CELF1: variants seen among roughly 807,000 people sequenced by gnomAD.
CELF1 encodes the protein 50 kDa nuclear polyadenylated RNA-binding protein.
Under a neutral mutation model 61.8 loss-of-function variants are expected in CELF1, and 10 were observed. The observed-to-expected ratio is 0.16, with a 90% CI of 0.10 to 0.27. The LOEUF is 0.27. Among genes scored for constraint, CELF1 ranks in the 10% least tolerant of loss-of-function variants. CELF1 has a pLI of 1.00. For missense variants in CELF1, 380 were observed against 639.1 expected, an observed-to-expected ratio of 0.59 and a Z score of 4.37; for synonymous variants, 236 against 225.1, an observed-to-expected ratio of 1.05 and a Z score of -0.43.
chr11:47,560,592 A>T (rs1335514336), intron 2 of CELF1, among the ~76,000 whole-genome samples: 4 of 152,092 alleles, frequency 2.6e-5, no homozygotes, highest in Non-Finnish European at 5.9e-5. Flanking sequence ...ATGGGGAGTG[A>T]TTGCTAATGG....
At chr11:47,482,507 G>A in intron 9 of CELF1, 188 bp downstream of exon 9, 1 of 419,222 alleles carries the variant, frequency 2.4e-6, no homozygotes. Flanking sequence ...TGCATGTCCA[G>A]AGATACATAT....
intron 1 of CELF1, among the ~76,000 whole-genome samples, chr11:47,503,749 T>C (rs1440170797): frequency 2.0e-5 from 3 of 152,222 alleles, no homozygotes; most frequent in African/African-American, 7.2e-5. Flanking sequence ...ATATAACTAC[T>C]GGGTCTCCTG....
chr11:47,477,135 G>A, intron 11 of CELF1, 162 bp downstream of exon 11: 1 of 914,198 alleles, frequency 1.1e-6, no homozygotes, highest in Middle Eastern at 2.3e-4. Flanking sequence ...AAATCAGGAA[G>A]ATTTCTCTTA....
intron 1 of CELF1, among the ~76,000 whole-genome samples, chr11:47,547,851 G>A (rs1196934282): frequency 6.6e-6 from 1 of 152,024 alleles, no homozygotes; most frequent in Non-Finnish European, 1.5e-5. Flanking sequence ...AGATAGATTA[G>A]AGGCTACCAG....
At chr11:47,497,147 TTTGTGGGGAAG>T (rs1321175998) in intron 3 of CELF1, among the ~76,000 whole-genome samples, 2 of 152,174 alleles carry the variant, frequency 1.3e-5, no homozygotes, top group Non-Finnish European at 2.9e-5. Flanking sequence ...GGAATTACTT[TTTGTGGGGAAG>T]TCTCTAGATG....
upstream of CELF1, among the ~76,000 whole-genome samples, chr11:47,554,683 C>G (rs542781354): frequency 6.9e-6 from 1 of 144,830 alleles, no homozygotes; most frequent in East Asian, 2.0e-4. Context: ...TTTTTTGAGA[C>G]GGAGTCTAGC....
intron 1 of CELF1, among the ~76,000 whole-genome samples, chr11:47,550,666 TTTC>T (rs1253087177): frequency 3.9e-5 from 6 of 151,964 alleles, no homozygotes; most frequent in African/African-American, 1.5e-4. Context: ...TATGGGTGAG[TTTC>T]TTCATTTTTT....
In CELF1 at chr11:47,488,982, T is replaced by C. The variant is rs1264638762; in HGVS notation, c.114A>G (p.Pro38=). The C allele has an allele frequency of 7.4e-6, 12 of 1,610,760 alleles. No individual in the cohort carries two copies. Among genetic ancestry groups the C allele is most frequent in the Non-Finnish European group, 1.0e-5 (12 of 1,178,958 alleles). The change falls in exon 4 of 15, where the codon CCA becomes CCG. Residue 38 remains proline (P), a synonymous_variant. Transcript: ENST00000687097. ...CAAACATCTTGATAGCATCAAGATC[T>C]GGTTGGTCTGGGTGGTCCAGGGTGC... ...MNGTLDHPDQ[P]DLDAIKMFVG... is the part of the protein sequence containing the mutation.
chr11:47,520,781 A>G (rs1211336514), intron 1 of CELF1, among the ~76,000 whole-genome samples: 1 of 152,174 alleles, frequency 6.6e-6, no homozygotes, highest in African/African-American at 2.4e-5. Context: ...ACTGCCCTCC[A>G]GCCTGGGTCA....
At chr11:47,495,215 G>A (rs1274750711) in intron 3 of CELF1, among the ~76,000 whole-genome samples, 1 of 152,198 alleles carries the variant, frequency 6.6e-6, no homozygotes, top group Non-Finnish European at 1.5e-5. Context: ...AAGTGCTGTG[G>A]TCAAAAGACA....
At chr11:47,519,133 C>T (rs1049621076) in intron 1 of CELF1, among the ~76,000 whole-genome samples, 1 of 152,134 alleles carries the variant, frequency 6.6e-6, no homozygotes, top group Non-Finnish European at 1.5e-5. Flanking sequence ...TTCAGCAAAG[C>T]TTGATTCACC....
chr11:47,480,603 G>GCT (rs1357508593), intron 9 of CELF1, among the ~76,000 whole-genome samples: 1 of 152,172 alleles, frequency 6.6e-6, no homozygotes, highest in Non-Finnish European at 1.5e-5. Context: ...CTAAAGGGGG[G>GCT]CTCCAAAAGT....
rs1428594232 is a variant in CELF1, at chr11:47,488,895, A to G, written c.201T>C (p.Gly67=). The G allele has an allele frequency of 6.2e-7, 1 of 1,612,540 alleles. No individual in the cohort carries two copies. The highest frequency in any genetic ancestry group is 8.5e-7 in the Non-Finnish European group (1 of 1,179,568). The part of the protein sequence containing the change: ...KDLRELFEQY[G]AVYEINVLRD... ...TTAGGACGTTGATTTCATACACAGC[A>G]CCATACTGTTCGAAGAGTTCCCGCA... is the stretch of plus-strand genomic sequence containing the variant. The change falls in exon 4 of 15, where the codon GGT becomes GGC. Residue 67 remains glycine (G), a synonymous_variant. Transcript: ENST00000687097.
intron 1 of CELF1, among the ~76,000 whole-genome samples, chr11:47,530,071 G>T (rs2096412777): frequency 6.6e-6 from 1 of 152,134 alleles, no homozygotes; most frequent in African/African-American, 2.4e-5. Flanking sequence ...AGGTTCTCAT[G>T]GCAACCTAAA....
chr11:47,485,854 G>C (rs1210070685), intron 6 of CELF1, among the ~76,000 whole-genome samples: 1 of 147,882 alleles, frequency 6.8e-6, no homozygotes, highest in East Asian at 2.1e-4. Flanking sequence ...ACCTCACCTG[G>C]TCCTGACTAT....
chr11:47,482,610 C>A, intron 9 of CELF1, 85 bp downstream of exon 9: 1 of 1,334,322 alleles, frequency 7.5e-7, no homozygotes, highest in African/African-American at 1.5e-5. Context: ...TTGTAAATGC[C>A]ACTGTGTTTG....
In CELF1 at chr11:47,488,970, A is replaced by G. The variant is rs1323372297; in HGVS notation, c.126T>C (p.Ala42=). Residue 42 remains alanine (A), a synonymous_variant, in exon 4 of 15, where the codon GCT becomes GCC. Coordinates refer to ENST00000687097, the MANE Select transcript of CELF1 (RefSeq NM_001376376.1). ...GAACCTGGCCCACAAACATCTTGATAGCATCAAGATCTGGTTGGTCTGGGT... is the reference window on the plus strand; with the variant it reads ...GAACCTGGCCCACAAACATCTTGATGGCATCAAGATCTGGTTGGTCTGGGT... The part of the protein sequence containing the change: ...LDHPDQPDLD[A]IKMFVGQVPR... The G allele has an allele frequency of 8.1e-6, 13 of 1,612,202 alleles. No homozygotes were observed. The Admixed American group carries it at 1.3e-4, about 17-fold the overall frequency.
At chr11:47,495,035 G>A (rs867645747) in intron 3 of CELF1, among the ~76,000 whole-genome samples, 6 of 152,180 alleles carry the variant, frequency 3.9e-5, no homozygotes, top group Non-Finnish European at 7.3e-5. Flanking sequence ...ATAGGCACGA[G>A]CCACTGCCCC....
At chr11:47,522,508 A>T (rs562806140) in intron 1 of CELF1, among the ~76,000 whole-genome samples, 39 of 151,096 alleles carry the variant, frequency 2.6e-4, no homozygotes, top group African/African-American at 8.5e-4. Context: ...TGACAGAGCA[A>T]GATTCTGTCT....
Sources: gnomAD v4.1 joint callset for allele counts (sites outside exome capture counted in the v4.1 genomes callset) on GRCh38, gnomAD v4.1.1 for gene constraint, MANE v1.5 for transcripts, NCBI Gene and HGNC (gene_info 2026-07-23, HGNC 2026-07-21) for gene names.